Variants in CNTN5 observed in about 807,000 individuals in gnomAD.
The protein encoded by CNTN5 is contactin-5.
A neutral mutation model predicts 129.1 loss-of-function variants in CNTN5; 77 were observed. The ratio of observed to expected loss-of-function variants is 0.60; its 90% confidence interval spans 0.50 to 0.72. The LOEUF is 0.72. Ranked by LOEUF, CNTN5 falls within the 30% of genes least tolerant of loss-of-function variation. CNTN5 has a pLI of 0.00. For synonymous variants in CNTN5, 509 were observed against 465.6 expected, an observed-to-expected ratio of 1.09 and a Z score of -1.20; for missense variants, 1,478 against 1,328.8, an observed-to-expected ratio of 1.11 and a Z score of -1.75.
chr11:99,411,545 A>AT (rs151132612), intron 2 of CNTN5, among the ~76,000 whole-genome samples: 18,537 of 152,038 alleles, frequency 0.12, 1,239 homozygotes, highest in Non-Finnish European at 0.16. Context: ...AATACAAAAA[A>AT]TTTTTTTAAA....
chr11:99,180,371 G>A (rs926039754), intron 1 of CNTN5, among the ~76,000 whole-genome samples: 8 of 152,246 alleles, frequency 5.3e-5, no homozygotes, highest in East Asian at 3.9e-4. Context: ...GTGCACAGGC[G>A]AGGAGAGGTC....
chr11:99,710,089 C>G (rs1852622971), intron 3 of CNTN5, among the ~76,000 whole-genome samples: 1 of 151,752 alleles, frequency 6.6e-6, no homozygotes, highest in Non-Finnish European at 1.5e-5. Context: ...AAGAACGCAC[C>G]TGCTAGGCAG....
chr11:99,597,273 C>T (rs1591337452), intron 3 of CNTN5, among the ~76,000 whole-genome samples: 1 of 152,082 alleles, frequency 6.6e-6, no homozygotes, highest in African/African-American at 2.4e-5. Flanking sequence ...CATGCCTCAC[C>T]CCTGTAGCAA....
chr11:99,251,100 C>T (rs1415950301), intron 1 of CNTN5, among the ~76,000 whole-genome samples: 1 of 151,916 alleles, frequency 6.6e-6, no homozygotes, highest in Admixed American at 6.6e-5. Context: ...TCTCTAGGGA[C>T]AGAGTTATAG....
At chr11:100,163,043 G>C (rs914104552) in intron 13 of CNTN5, among the ~76,000 whole-genome samples, 1 of 151,724 alleles carries the variant, frequency 6.6e-6, no homozygotes, top group Non-Finnish European at 1.5e-5. Flanking sequence ...ATGTGTTAGA[G>C]TATATTAAGT....
At chr11:99,255,707 A>AT (rs1298881116) in intron 1 of CNTN5, among the ~76,000 whole-genome samples, 1 of 151,358 alleles carries the variant, frequency 6.6e-6, no homozygotes, top group Non-Finnish European at 1.5e-5. Flanking sequence ...AGAATTGTGC[A>AT]TTTTTTACAA....
At chr11:99,489,934 T>C (rs553382890) in intron 2 of CNTN5, among the ~76,000 whole-genome samples, 60 of 152,288 alleles carry the variant, frequency 3.9e-4, no homozygotes, top group Non-Finnish European at 6.5e-4. Context: ...TTGCATATTA[T>C]GGGGGATTGA....
At chr11:99,890,851 T>G in intron 6 of CNTN5, among the ~76,000 whole-genome samples, 1 of 152,082 alleles carries the variant, frequency 6.6e-6, no homozygotes, top group East Asian at 1.9e-4. Flanking sequence ...ATAATATGAA[T>G]CCTGGATAAG....
intron 6 of CNTN5, among the ~76,000 whole-genome samples, chr11:99,859,222 T>A (rs1232419227): frequency 1.3e-5 from 2 of 152,238 alleles, no homozygotes; most frequent in Non-Finnish European, 1.5e-5. Context: ...GAGATCAGAC[T>A]ATTGAACTGA....
At chr11:99,507,197 G>A (rs1376283762) in intron 2 of CNTN5, among the ~76,000 whole-genome samples, 1 of 151,824 alleles carries the variant, frequency 6.6e-6, no homozygotes, top group Admixed American at 6.6e-5. Context: ...CCAACATGGT[G>A]AAACTCTCTT....
intron 3 of CNTN5, among the ~76,000 whole-genome samples, chr11:99,655,258 C>A (rs1952310919): frequency 6.6e-6 from 1 of 152,004 alleles, no homozygotes. Flanking sequence ...TGTCAGAAAT[C>A]CTATCTATAG....
intron 1 of CNTN5, among the ~76,000 whole-genome samples, chr11:99,298,513 T>C (rs1439060960): frequency 6.6e-6 from 1 of 152,196 alleles, no homozygotes; most frequent in East Asian, 1.9e-4. Context: ...TGTCTGGCTA[T>C]TAAGCTAGGT....
chr11:99,511,990 T>C (rs1460378296), intron 2 of CNTN5, among the ~76,000 whole-genome samples: 3 of 152,086 alleles, frequency 2.0e-5, no homozygotes, highest in African/African-American at 7.2e-5. Flanking sequence ...TACAGTAAGC[T>C]AAGGCTAATT....
chr11:99,621,117 C>A (rs1178149798), intron 3 of CNTN5, among the ~76,000 whole-genome samples: 1 of 151,920 alleles, frequency 6.6e-6, no homozygotes. Context: ...TTGTAAGGGC[C>A]CTGATAGGAG....
intron 1 of CNTN5, among the ~76,000 whole-genome samples, chr11:99,210,245 G>C (rs189008574): frequency 1.1e-3 from 169 of 152,090 alleles, no homozygotes; most frequent in Non-Finnish European, 1.8e-3. Flanking sequence ...CCCCATTCCC[G>C]TCTTCCATTA....
chr11:100,013,460 A>T (rs1940644179), intron 9 of CNTN5, among the ~76,000 whole-genome samples: 1 of 152,186 alleles, frequency 6.6e-6, no homozygotes, highest in Admixed American at 6.5e-5. Context: ...TGGAACAAAA[A>T]AGGACAATTT....
intron 3 of CNTN5, among the ~76,000 whole-genome samples, chr11:99,799,228 G>A (rs926815655): frequency 6.6e-6 from 1 of 151,384 alleles, no homozygotes; most frequent in African/African-American, 2.4e-5. Context: ...TTCTATTTCA[G>A]TGCCTTTTAT....
At chr11:99,984,003 G>A (rs10894220) in intron 8 of CNTN5, among the ~76,000 whole-genome samples, 37,950 of 151,932 alleles carry the variant, frequency 0.25, 4,929 homozygotes, top group East Asian at 0.4. Context: ...GCATAGTGGC[G>A]ACACCTGTTA....
intron 1 of CNTN5, among the ~76,000 whole-genome samples, chr11:99,031,923 C>A (rs1239958530): frequency 6.8e-5 from 8 of 117,510 alleles, no homozygotes; most frequent in East Asian, 2.9e-4. Flanking sequence ...CCCCTCCCCC[C>A]ACCCCACAAC....
Sources: allele counts gnomAD v4.1 joint callset (sites outside exome capture counted in the v4.1 genomes callset), GRCh38; gene constraint gnomAD v4.1.1; transcripts MANE v1.5; gene names NCBI Gene and HGNC (gene_info 2026-07-23, HGNC 2026-07-21).